The following ZNF121 variants were observed in gnomAD, a reference collection of about 807,000 sequenced individuals.
ZNF121 encodes zinc finger protein 121 (clone ZHC32).
In ZNF121, 1 loss-of-function variant was observed where a neutral mutation model predicts 2.4. The observed-to-expected ratio is 0.41, with a 90% CI of 0.15 to 1.94. The LOEUF (loss-of-function observed/expected upper bound fraction) is 1.94, where lower values mean the gene tolerates loss of function less well. Among genes scored for constraint, ZNF121 ranks in the 30% most tolerant of loss-of-function variants. The pLI is 0.30. For synonymous variants in ZNF121, 173 were observed against 158.6 expected, an observed-to-expected ratio of 1.09 and a Z score of -0.68; for missense variants, 369 against 466.3, an observed-to-expected ratio of 0.79 and a Z score of 1.92.
At chr19:9,574,307 G>A (rs943110465) in intron 1 of ZNF121, among the ~76,000 whole-genome samples, 5 of 151,760 alleles carry the variant, frequency 3.3e-5, no homozygotes, top group African/African-American at 9.7e-5. Flanking sequence ...CAACATGCCC[G>A]GCTCATTTTT....
At chr19:9,571,852 C>A (rs1010960415) in intron 1 of ZNF121, among the ~76,000 whole-genome samples, 3 of 152,128 alleles carry the variant, frequency 2.0e-5, no homozygotes, top group African/African-American at 7.2e-5. Flanking sequence ...AACTCCCGGG[C>A]TCAAGCAATC....
chr19:9,581,541 A>T (rs2144826432), intron 1 of ZNF121, among the ~76,000 whole-genome samples: 1 of 152,254 alleles, frequency 6.6e-6, no homozygotes, highest in South Asian at 2.1e-4. Context: ...CAAAGGCAAA[A>T]AGGAGAAAAA....
At position 9,583,096 on chromosome 19, in the gene ZNF121, T is replaced by C. The variant is rs2074259783; in HGVS notation, c.-160+1365A>G. ...TAGCTGGGCATGGTCCCCATGCCTG[T>C]TGTCCCTGCTACTCGGAGGCTGAGG... is the stretch of plus-strand genomic sequence containing the variant. On this transcript the variant is annotated intron_variant, in intron 1 of 3. Transcript: ENST00000320451. 1.4e-5 allele frequency among the ~76,000 whole-genome samples: 2 copies of C among 147,040 alleles called. 1 individual carries two copies. Among genetic ancestry groups the C allele is most frequent in the South Asian group, 4.3e-4 (2 of 4,644 alleles).
At position 9,568,190 on chromosome 19, in the gene ZNF121, A is replaced by C. The variant is rs2074147967; in HGVS notation, c.-78-15T>G. The C allele has an allele frequency of 1.6e-6, 2 of 1,277,902 alleles. No individual in the cohort carries two copies. The highest frequency in any genetic ancestry group is 4.4e-4 in the Middle Eastern group (2 of 4,514). The allele number at this position is 1,277,902 out of a possible 1,614,324, so 79.2% of individuals were successfully genotyped here. ...AACTTGCCATTCTGAAGTAAAACAG[A>C]AAAAAAGAAAAAAAAATAGGGTCTG... On this transcript the variant is annotated splice_polypyrimidine_tract_variant and intron_variant, in intron 2 of 3. Transcript: ENST00000320451.
chr19:9,583,535 C>T (rs1424538626), intron 1 of ZNF121, among the ~76,000 whole-genome samples: 1 of 134,034 alleles, frequency 7.5e-6, no homozygotes, highest in Non-Finnish European at 1.5e-5. Flanking sequence ...ACGGAGTCTC[C>T]CTCTTTTGCC....
chr19:9,571,216 G>A (rs1199780215), intron 1 of ZNF121, among the ~76,000 whole-genome samples: 1 of 152,142 alleles, frequency 6.6e-6, no homozygotes, highest in South Asian at 2.1e-4. Flanking sequence ...AATGAACACG[G>A]TTGTGTTCTG....
intron 1 of ZNF121, among the ~76,000 whole-genome samples, chr19:9,579,266 A>T (rs2074232708): frequency 6.6e-6 from 1 of 152,240 alleles, no homozygotes; most frequent in African/African-American, 2.4e-5. Flanking sequence ...TATAGAGAAC[A>T]ATACTCAGGT....
Position 9,562,956 on chromosome 19 carries a change from C to G in ZNF121, c.*2984G>C, listed in dbSNP as rs546992269. 2.8e-5 allele frequency: 4 copies of G among 142,758 alleles called. No individual in the cohort carries two copies. The East Asian group carries it at 8.3e-4, about 30-fold the overall frequency. The allele number at this position is 142,758 out of a possible 1,614,324, so 8.8% of individuals were successfully genotyped here. On this transcript the variant is annotated 3_prime_UTR_variant, in exon 4 of 4. Transcript: ENST00000320451. Reference sequence around the variant, plus strand: ...TGCACACCTGCAGTCTTTAGCTACTCAGGAGACAGGAAGATCACTGGAACC... The same window carrying G: ...TGCACACCTGCAGTCTTTAGCTACTGAGGAGACAGGAAGATCACTGGAACC...
chr19:9,562,414 T>C lies in ZNF121; in HGVS notation c.*3526A>G, dbSNP rs2074105777. 3.3e-6 allele frequency: 1 copy of C among 302,226 alleles called. No individual in the cohort carries two copies. Among genetic ancestry groups the C allele is most frequent in the Non-Finnish European group, 7.3e-6 (1 of 136,106 alleles). The allele number at this position is 302,226 out of a possible 1,614,324, so 18.7% of individuals were successfully genotyped here. Reference sequence around the variant, plus strand: ...CTCCTGACCTCATGATTCACTCACCTCAGCCTCTCAAGGTGCTGGGATTAC... The same window carrying C: ...CTCCTGACCTCATGATTCACTCACCCCAGCCTCTCAAGGTGCTGGGATTAC... On this transcript the variant is annotated 3_prime_UTR_variant, in exon 4 of 4. Coordinates refer to ENST00000320451, the MANE Select transcript of ZNF121 (RefSeq NM_001008727.5).
At position 9,576,463 on chromosome 19, in the gene ZNF121, C is replaced by T. The variant is rs185751883; in HGVS notation, c.-159-7381G>A. Among the ~76,000 whole-genome samples the T allele has an allele frequency of 9.2e-5, 14 of 152,040 alleles. No homozygotes were observed. In the East Asian group the frequency reaches 2.3e-3, roughly 25 times the overall value. On this transcript the variant is annotated intron_variant, in intron 1 of 3. Transcript: ENST00000320451. ...CAAATTAAAGTGAAACTACAACATA[C>T]CAAAATCTATGGGATAAAAGCAGTA...
At chr19:9,582,282 G>T (rs559489454) in intron 1 of ZNF121, among the ~76,000 whole-genome samples, 20 of 152,296 alleles carry the variant, frequency 1.3e-4, no homozygotes. Flanking sequence ...TGAAGCAACT[G>T]AAGAACAACA....
At chr19:9,580,230 T>A (rs948812011) in intron 1 of ZNF121, among the ~76,000 whole-genome samples, 4 of 151,834 alleles carry the variant, frequency 2.6e-5, no homozygotes, top group Non-Finnish European at 4.4e-5. Context: ...AGGCAGAGTT[T>A]GCAGTAAGCC....
chr19:9,561,074 C>T lies in ZNF121; in HGVS notation c.*4866G>A, dbSNP rs2074098387. 6.6e-6 allele frequency: 1 copy of T among 152,146 alleles called. No individual in the cohort carries two copies. The highest frequency in any genetic ancestry group is 1.5e-5 in the Non-Finnish European group (1 of 68,006). 9.4% of individuals were successfully genotyped at this position (152,146 alleles called of 1,614,324 possible). On this transcript the variant is annotated 3_prime_UTR_variant, in exon 4 of 4. Coordinates refer to ENST00000320451, the MANE Select transcript of ZNF121 (RefSeq NM_001008727.5). ...GGGAATTTGGAAAGCAAGAAATAACCCAGCAGTGCTGCAGTGGAATTAAAA... is the reference window on the plus strand; with the variant it reads ...GGGAATTTGGAAAGCAAGAAATAACTCAGCAGTGCTGCAGTGGAATTAAAA...
In ZNF121 at chr19:9,565,796, C is replaced by G. The variant is rs2074127344; in HGVS notation, c.*144G>C. ...ACATAGAGTATGAGTTCTTTCATGT[C>G]TTCGAAGTGAATGGGGATAACTGAA... On this transcript the variant is annotated 3_prime_UTR_variant, in exon 4 of 4. Transcript: ENST00000320451. 1.7e-6 allele frequency: 1 copy of G among 582,020 alleles called. No individual in the cohort carries two copies. The highest frequency in any genetic ancestry group is 3.1e-5 in the South Asian group (1 of 32,204). The allele number at this position is 582,020 out of a possible 1,614,324, so 36.1% of individuals were successfully genotyped here. A position where few individuals can be genotyped will look rare whatever the true frequency, so the allele number is the denominator to read the frequency against.
intron 1 of ZNF121, among the ~76,000 whole-genome samples, chr19:9,579,135 G>A (rs2074231852): frequency 6.6e-6 from 1 of 152,148 alleles, no homozygotes; most frequent in South Asian, 2.1e-4. Context: ...TTACCACAAT[G>A]AGATGTCATC....
chr19:9,566,609 C>T lies in ZNF121; in HGVS notation c.504G>A (p.Gly168=), dbSNP rs879188228. Reference sequence around the variant, plus strand: ...ATTCCTTACATTCATAGGGTTTCTCCCCAGTATGGGTTCGCATGTGACTAT... The same window carrying T: ...ATTCCTTACATTCATAGGGTTTCTCTCCAGTATGGGTTCGCATGTGACTAT... The part of the protein sequence containing the change: ...YLNSHMRTHT[G]EKPYECKECG... Residue 168 remains glycine, a synonymous_variant, in exon 4 of 4, where the codon GGG becomes GGA. Coordinates refer to ENST00000320451, the MANE Select transcript of ZNF121 (RefSeq NM_001008727.5). The T allele has an allele frequency of 1.2e-6, 2 of 1,614,136 alleles. No individual in the cohort carries two copies. The highest frequency in any genetic ancestry group is 1.7e-6 in the Non-Finnish European group (2 of 1,180,022).
chr19:9,583,884 G>T (rs556812752), intron 1 of ZNF121, among the ~76,000 whole-genome samples: 59 of 152,256 alleles, frequency 3.9e-4, no homozygotes, highest in African/African-American at 1.3e-3. Flanking sequence ...AGAAACTAAA[G>T]GCTCACAGTC....
At chr19:9,573,679 T>G (rs998885403) in intron 1 of ZNF121, among the ~76,000 whole-genome samples, 2 of 152,148 alleles carry the variant, frequency 1.3e-5, no homozygotes, top group Non-Finnish European at 2.9e-5. Context: ...TCAATCCAAA[T>G]GAGACTACTA....
Position 9,565,918 on chromosome 19 carries a change from T to A in ZNF121, c.*22A>T. On this transcript the variant is annotated 3_prime_UTR_variant, in exon 4 of 4. Coordinates refer to ENST00000320451, the MANE Select transcript of ZNF121 (RefSeq NM_001008727.5). ...AGAAATTCCTAAAAGATTTCCACATTCCTTACATTCAGAGTTTTTCTTCAG... is the reference window on the plus strand; with the variant it reads ...AGAAATTCCTAAAAGATTTCCACATACCTTACATTCAGAGTTTTTCTTCAG... 1 of 1,489,548 alleles carries A rather than the reference T, an allele frequency of 6.7e-7. No homozygotes were observed. The highest frequency in any genetic ancestry group is 9.0e-7 in the Non-Finnish European group (1 of 1,109,554). 92.3% of individuals were successfully genotyped at this position (1,489,548 alleles called of 1,614,324 possible). A position where few individuals can be genotyped will look rare whatever the true frequency, so the allele number is the denominator to read the frequency against.
Sources: allele counts gnomAD v4.1 joint callset (sites outside exome capture counted in the v4.1 genomes callset), GRCh38; gene constraint gnomAD v4.1.1; transcripts MANE v1.5; gene names NCBI Gene and HGNC (gene_info 2026-07-23, HGNC 2026-07-21).